Variants in BBS9 observed in about 807,000 individuals in gnomAD.
The protein encoded by BBS9 is Bardet-Biedl syndrome 9, also known as protein PTHB1.
Under a neutral mutation model 117.7 loss-of-function variants are expected in BBS9, and 89 were observed. That is an observed-to-expected ratio of 0.76 (90% CI 0.64 to 0.90). The LOEUF is 0.90. BBS9 is among the 40% of genes least tolerant of loss of function. The probability of loss-of-function intolerance (pLI) is 0.00; values close to 1 mark genes in which losing one functional copy is unlikely to be tolerated. For missense variants in BBS9, 982 were observed against 1,042.2 expected, an observed-to-expected ratio of 0.94 and a Z score of 0.80; for synonymous variants, 379 against 370.9, an observed-to-expected ratio of 1.02 and a Z score of -0.25.
chr7:33,432,462 T>C (rs545836786), intron 19 of BBS9, among the ~76,000 whole-genome samples: 1 of 152,236 alleles, frequency 6.6e-6, no homozygotes, highest in East Asian at 1.9e-4. Context: ...TGTAATTACA[T>C]TATAATGTGA....
intron 5 of BBS9, among the ~76,000 whole-genome samples, chr7:33,254,807 A>G (rs999209391): frequency 2.0e-5 from 3 of 152,084 alleles, no homozygotes; most frequent in African/African-American, 7.2e-5. Context: ...GATGTTCTCT[A>G]GGTTCATCCA....
chr7:33,604,695 T>C (rs1326134593), intron 21 of BBS9, among the ~76,000 whole-genome samples, 170 bp from the exon 22 acceptor site: 1 of 152,186 alleles, frequency 6.6e-6, no homozygotes, highest in Non-Finnish European at 1.5e-5. Flanking sequence ...ATTCCCAGTA[T>C]TCTCACCAAA....
At chr7:33,145,053 A>AACT (rs1255674309) in intron 1 of BBS9, among the ~76,000 whole-genome samples, 1 of 152,188 alleles carries the variant, frequency 6.6e-6, no homozygotes, top group East Asian at 1.9e-4. Context: ...ACACACAAAA[A>AACT]ACTACATTAT....
chr7:33,287,040 C>T (rs1803037343), intron 9 of BBS9, among the ~76,000 whole-genome samples: 1 of 152,028 alleles, frequency 6.6e-6, no homozygotes, highest in African/African-American at 2.4e-5. Context: ...GGACTTAGTC[C>T]TTTATTCTAT....
chr7:33,605,120 A>AT, intron 22 of BBS9, 75 bp from the exon 23 acceptor site: 3 of 1,515,504 alleles, frequency 2.0e-6, no homozygotes, highest in Non-Finnish European at 2.8e-6. Flanking sequence ...GTGCAGCTGA[A>AT]TTTGATCCTT....
At chr7:33,285,843 T>C (rs962978172) in intron 9 of BBS9, among the ~76,000 whole-genome samples, 1 of 152,068 alleles carries the variant, frequency 6.6e-6, no homozygotes, top group African/African-American at 2.4e-5. Flanking sequence ...AGGTTATAAT[T>C]CTCAGAAAAA....
At chr7:33,258,988 T>C (rs895076016) in intron 6 of BBS9, among the ~76,000 whole-genome samples, 1 of 152,166 alleles carries the variant, frequency 6.6e-6, no homozygotes, top group Admixed American at 6.5e-5. Flanking sequence ...TTTATAATGG[T>C]AAAAATGCAT....
At chr7:33,579,882 A>G (rs1181336678) in intron 21 of BBS9, among the ~76,000 whole-genome samples, 1 of 152,172 alleles carries the variant, frequency 6.6e-6, no homozygotes, top group Non-Finnish European at 1.5e-5. Context: ...TGTAATCTAT[A>G]ATGTTTGCTT....
intron 5 of BBS9, among the ~76,000 whole-genome samples, chr7:33,187,993 C>T (rs1471397309): frequency 6.6e-6 from 1 of 151,160 alleles, no homozygotes; most frequent in Non-Finnish European, 1.5e-5. Flanking sequence ...GAAGGGTTAA[C>T]TATAAAATAA....
chr7:33,441,237 G>A (rs991719523), intron 19 of BBS9, among the ~76,000 whole-genome samples: 71 of 151,502 alleles, frequency 4.7e-4, no homozygotes, highest in Admixed American at 4.2e-3. Context: ...CCCTATTTGT[G>A]TGTATGAGCT....
At chr7:33,387,889 TTTC>T (rs779456829) in intron 18 of BBS9, 100 bp from the exon 19 acceptor site, 12 of 1,344,370 alleles carry the variant, frequency 8.9e-6, no homozygotes, top group African/African-American at 1.5e-5. Context: ...TGCATTTAAA[TTTC>T]TTCATTACTC....
intron 5 of BBS9, among the ~76,000 whole-genome samples, chr7:33,184,162 G>A (rs1476767189): frequency 2.6e-5 from 4 of 152,062 alleles, no homozygotes; most frequent in Non-Finnish European, 5.9e-5. Flanking sequence ...AGCATTGCCT[G>A]CAGTGGGGTG....
chr7:33,142,378 A>G (rs1398089973), intron 1 of BBS9, among the ~76,000 whole-genome samples: 9 of 152,222 alleles, frequency 5.9e-5, no homozygotes, highest in Non-Finnish European at 1.3e-4. Context: ...TGTGCCAGGT[A>G]TTGTACTAAG....
intron 19 of BBS9, among the ~76,000 whole-genome samples, chr7:33,436,986 G>T (rs1206153569): frequency 1.3e-5 from 2 of 152,160 alleles, no homozygotes; most frequent in Non-Finnish European, 2.9e-5. Flanking sequence ...TTGGTGGTGA[G>T]ATTTGTACAT....
At chr7:33,309,303 A>G (rs59801768) in intron 9 of BBS9, among the ~76,000 whole-genome samples, 1 of 147,270 alleles carries the variant, frequency 6.8e-6, no homozygotes, top group East Asian at 3.6e-4. Flanking sequence ...CCAACACTTC[A>G]AATTATAACA....
At chr7:33,189,918 G>A (rs1452520471) in intron 5 of BBS9, among the ~76,000 whole-genome samples, 1 of 150,404 alleles carries the variant, frequency 6.6e-6, no homozygotes, top group Admixed American at 6.6e-5. Context: ...TACAAGGTCT[G>A]GCTATGTTGC....
At position 33,481,127 on chromosome 7, in the gene BBS9, G is replaced by T. The variant is rs146341769; in HGVS notation, c.2116-24336G>T. Among the ~76,000 whole-genome samples the T allele has an allele frequency of 1.7e-3, 253 of 152,274 alleles. 1 individual carries two copies. The highest frequency in any genetic ancestry group is 5.8e-3 in the African/African-American group (240 of 41,560). On this transcript the variant is annotated intron_variant, in intron 19 of 22. Transcript: ENST00000242067. ...TGAATAAGGGATACATGAATGAAGA[G>T]GTGGAACTTGTATTTAACCTTGAAG...
In BBS9 at chr7:33,549,118, C is replaced by T. The variant is rs13310750; in HGVS notation, c.2521+14942C>T. Among the ~76,000 whole-genome samples, 258 of 147,424 alleles carry T rather than the reference C, an allele frequency of 1.8e-3. 2 individuals carry two copies. The highest frequency in any genetic ancestry group is 5.7e-3 in the African/African-American group (218 of 38,226). ...AACAGAACAGAGCCCTCAGAAATAA[C>T]GCCGCATATCTACAGCTATCTGATC... On this transcript the variant is annotated intron_variant, in intron 21 of 22. Coordinates refer to ENST00000242067, the MANE Select transcript of BBS9 (RefSeq NM_198428.3).
intron 21 of BBS9, among the ~76,000 whole-genome samples, chr7:33,617,028 A>G (rs1307883980): frequency 1.3e-5 from 2 of 152,072 alleles, no homozygotes; most frequent in African/African-American, 2.4e-5. Context: ...TGTTGCAAAA[A>G]AGACATGACT....
Sources: allele counts gnomAD v4.1 joint callset (sites outside exome capture counted in the v4.1 genomes callset), GRCh38; gene constraint gnomAD v4.1.1; transcripts MANE v1.5; gene names NCBI Gene and HGNC (gene_info 2026-07-23, HGNC 2026-07-21).